Variants in OTOGL observed in about 807,000 individuals in gnomAD.
The protein encoded by OTOGL is otogelin like.
In OTOGL, 285 loss-of-function variants were observed where a neutral mutation model predicts 318.5. That is an observed-to-expected ratio of 0.89 (90% CI 0.81 to 0.99). The LOEUF is 0.99. OTOGL is among the 50% of genes least tolerant of loss of function. The probability of loss-of-function intolerance (pLI) is 0.00; values close to 1 mark genes in which losing one functional copy is unlikely to be tolerated. For missense variants in OTOGL, 2,899 were observed against 2,845.6 expected, an observed-to-expected ratio of 1.02 and a Z score of -0.43; for synonymous variants, 987 against 936.5, an observed-to-expected ratio of 1.05 and a Z score of -0.99.
chr12:80,222,116 TGGGATTTGTAAAACCTG>T lies in OTOGL; in HGVS notation c.365_381del (p.Ile122ThrfsTer5). 1 of 1,598,612 alleles carries T rather than the reference TGGGATTTGTAAAACCTG, an allele frequency of 6.3e-7. No homozygotes were observed. The highest frequency in any genetic ancestry group is 8.5e-7 in the Non-Finnish European group (1 of 1,179,210). ...TCCCAAACATGGGCAACGGCAGAGA[TGGGATTTGTAAAACCTG>T]GGGACAGTATCATTTTGAAACATTC... On this transcript the variant is annotated frameshift_variant, in exon 7 of 59. Transcript: ENST00000547103. LOFTEE classifies it high-confidence loss of function.
chr12:80,294,429 AG>A (rs1414701613), intron 26 of OTOGL, among the ~76,000 whole-genome samples: 1 of 152,208 alleles, frequency 6.6e-6, no homozygotes, highest in East Asian at 1.9e-4. Flanking sequence ...ACTTTTCCCA[AG>A]ATGAAGAGCA....
intron 43 of OTOGL, 32 bp downstream of exon 43, chr12:80,339,296 CTGT>C: frequency 1.2e-4 from 50 of 434,092 alleles, no homozygotes; most frequent in Middle Eastern, 7.0e-4. Context: ...TTGATTTCGT[CTGT>C]TTTTTTTTTT....
chr12:80,170,199 GTGTGTGTGTGTGTGTATGTA>G (rs1215807691), intron 1 of OTOGL, among the ~76,000 whole-genome samples: 154 of 115,086 alleles, frequency 1.3e-3, no homozygotes, highest in African/African-American at 7.4e-3. Context: ...GTGTGTGTGT[GTGTGTGTGTGTGTGTATGTA>G]TGTGTGTGTG....
intron 19 of OTOGL, among the ~76,000 whole-genome samples, chr12:80,263,352 T>G (rs1882698876): frequency 6.6e-6 from 1 of 152,158 alleles, no homozygotes; most frequent in Non-Finnish European, 1.5e-5. Context: ...TATTTTTTAA[T>G]AACATGTTAA....
intron 1 of OTOGL, among the ~76,000 whole-genome samples, chr12:80,105,253 A>G (rs1869389287): frequency 1.3e-5 from 2 of 152,210 alleles, no homozygotes; most frequent in African/African-American, 4.8e-5. Flanking sequence ...AGTTTAAAAC[A>G]TATGTGGAGA....
chr12:80,144,870 G>A (rs1246859025), intron 1 of OTOGL, among the ~76,000 whole-genome samples: 1 of 151,938 alleles, frequency 6.6e-6, no homozygotes, highest in Admixed American at 6.6e-5. Context: ...AGAAGTGTCT[G>A]TTCATGTCCT....
chr12:80,358,291 G>A lies in OTOGL; in HGVS notation c.6063G>A (p.Gly2021=), dbSNP rs149191545. The A allele has an allele frequency of 1.1e-4, 179 of 1,612,062 alleles. No homozygotes were observed. The highest frequency in any genetic ancestry group is 1.4e-4 in the Non-Finnish European group (165 of 1,178,974). ...CTKPVPLCHD[G]EFLTVDLNST... is the part of the protein sequence containing the mutation. ...AACCTGTTCCACTATGTCATGATGG[G>A]GAATTTCTCACAGTAGATCTTAATA... The change falls in exon 50 of 59, where the codon GGG becomes GGA. Residue 2021 remains glycine, a synonymous_variant. Transcript: ENST00000547103.
At chr12:80,370,178 T>C (rs892419649) in intron 55 of OTOGL, among the ~76,000 whole-genome samples, 2 of 152,008 alleles carry the variant, frequency 1.3e-5, no homozygotes, top group Non-Finnish European at 2.9e-5. Context: ...ATATGATTTG[T>C]TGTTTTATAA....
intron 1 of OTOGL, among the ~76,000 whole-genome samples, chr12:80,156,132 A>C (rs2137180666): frequency 6.6e-6 from 1 of 152,342 alleles, no homozygotes; most frequent in East Asian, 1.9e-4. Context: ...TGGACTGCGA[A>C]AGGCAGACCC....
chr12:80,202,565 G>A (rs768767610), intron 1 of OTOGL, among the ~76,000 whole-genome samples: 2 of 152,092 alleles, frequency 1.3e-5, no homozygotes, highest in Non-Finnish European at 1.5e-5. Context: ...GAGCCACCGC[G>A]CCCAGCCTGT....
chr12:80,292,905 A>G (rs76081993), intron 26 of OTOGL, among the ~76,000 whole-genome samples: 7,347 of 152,290 alleles, frequency 0.048, 276 homozygotes, highest in Middle Eastern at 0.1. Context: ...GAAGATGAAT[A>G]TGTCTGTCTC....
Position 80,265,105 on chromosome 12 carries a change from T to C in OTOGL, c.2119T>C (p.Cys707Arg). ...CTATCAGCTATGCCGCCACGATGCA[T>C]GCAAGTGTGGAAGCTCCTGCCTGTG... Reference protein sequence around the residue: ...LYYQLCRHDACKCGSSCLCNA... With the variant: ...LYYQLCRHDARKCGSSCLCNA... Residue 707 changes from cysteine (C) to arginine (R), a missense_variant, in exon 20 of 59, where the codon TGC becomes CGC. By Grantham distance (180) the Cys-to-Arg change is radical. Around this residue, in one of 3 missense-constraint regions of OTOGL, gnomAD observed 2,607 missense variants for 2,524.9 expected, o/e 1.03. Transcript: ENST00000547103. 6.2e-7 allele frequency: 1 copy of C among 1,613,940 alleles called. No individual in the cohort carries two copies. Among genetic ancestry groups the C allele is most frequent in the Non-Finnish European group, 8.5e-7 (1 of 1,179,874 alleles).
chr12:80,265,235 A>G, intron 20 of OTOGL, 25 bp downstream of exon 20: 1 of 1,588,452 alleles, frequency 6.3e-7, no homozygotes, highest in Non-Finnish European at 8.6e-7. Context: ...ACAGATAAAG[A>G]CTATCAGATA....
chr12:80,229,415 A>G lies in OTOGL; in HGVS notation c.611+37A>G, dbSNP rs779696105. On this transcript the variant is annotated intron_variant, in intron 8 of 58. Coordinates refer to ENST00000547103, the MANE Select transcript of OTOGL (RefSeq NM_001378609.3). ...GAAACAGTGAAATGTCAGTAACACC[A>G]CAAATTAATAGAATTTCCAAACATC... is the stretch of plus-strand genomic sequence containing the variant. 1.9e-5 allele frequency: 29 copies of G among 1,564,000 alleles called. No individual in the cohort carries two copies. The East Asian group carries it at 5.8e-4, about 31-fold the overall frequency.
intron 4 of OTOGL, among the ~76,000 whole-genome samples, chr12:80,216,564 A>T (rs1368144061): frequency 1.3e-5 from 2 of 152,182 alleles, no homozygotes; most frequent in Non-Finnish European, 2.9e-5. Context: ...AGATTGATTG[A>T]CATAAATCTC....
At chr12:80,187,855 A>G (rs781130947) in intron 1 of OTOGL, among the ~76,000 whole-genome samples, 2 of 152,186 alleles carry the variant, frequency 1.3e-5, no homozygotes, top group African/African-American at 2.4e-5. Flanking sequence ...TAGCAGAAAG[A>G]TCAAGTGTCA....
chr12:80,227,252 T>C (rs892616984), intron 7 of OTOGL, among the ~76,000 whole-genome samples: 1 of 152,190 alleles, frequency 6.6e-6, no homozygotes, highest in African/African-American at 2.4e-5. Context: ...TTTTATATTG[T>C]CAGTATTCAA....
intron 24 of OTOGL, among the ~76,000 whole-genome samples, chr12:80,277,874 A>T (rs1883926441): frequency 6.6e-6 from 1 of 151,418 alleles, no homozygotes; most frequent in Non-Finnish European, 1.5e-5. Context: ...TTTCGGGATG[A>T]CTCACTTTAT....
chr12:80,121,911 GCA>G (rs1870509640), intron 1 of OTOGL, among the ~76,000 whole-genome samples: 1 of 152,122 alleles, frequency 6.6e-6, no homozygotes, highest in African/African-American at 2.4e-5. Flanking sequence ...TGCAAGAAAT[GCA>G]CAGAGAAATG....
Sources: gnomAD v4.1 joint callset for allele counts (sites outside exome capture counted in the v4.1 genomes callset) on GRCh38, gnomAD v4.1.1 for gene constraint, gnomAD v4.1.1 regional missense constraint, MANE v1.5 for transcripts, NCBI Gene and HGNC (gene_info 2026-07-23, HGNC 2026-07-21) for gene names.